POTEG: variants seen among roughly 807,000 people sequenced by gnomAD.
The protein encoded by POTEG is POTE ankyrin domain family member G.
Under a neutral mutation model 49.6 loss-of-function variants are expected in POTEG, and 2 were observed. The ratio of observed to expected loss-of-function variants is 0.04; its 90% CI spans 0.02 to 0.13. The LOEUF is 0.13. Ranked by LOEUF, POTEG falls within the 10% of genes least tolerant of loss-of-function variation. The pLI is 1.00. For synonymous variants in POTEG, 7 were observed against 186.6 expected (o/e 0.04, Z 7.84); for missense variants, 26 against 545.2 (o/e 0.05, Z 9.48).
chr14:19,432,526 GGTAT>G (rs1884205384), intron 1 of POTEG, among the ~76,000 whole-genome samples: 2 of 97,752 alleles, frequency 2.0e-5, no homozygotes, highest in East Asian at 2.9e-4. Flanking sequence ...GTTTTCTTCT[GGTAT>G]GTTTCTCTTT....
intron 6 of POTEG, among the ~76,000 whole-genome samples, chr14:19,419,867 A>G (rs1466295369): frequency 2.2e-5 from 3 of 135,246 alleles, no homozygotes; most frequent in Non-Finnish European, 4.6e-5. Context: ...CTCATCTAGT[A>G]TTTGCAGTCC....
intron 4 of POTEG, 165 bp from the exon 5 acceptor site, chr14:19,424,467 C>T: frequency 2.6e-6 from 1 of 380,436 alleles, no homozygotes; most frequent in Non-Finnish European, 3.7e-6. Context: ...AAAATACCAC[C>T]AAGGTTAAAA....
At chr14:19,432,379 T>TATATATA in intron 1 of POTEG, among the ~76,000 whole-genome samples, 2 of 62,232 alleles carry the variant, frequency 3.2e-5, no homozygotes, top group Non-Finnish European at 7.9e-5. Context: ...TATATATATA[T>TATATATA]ATATATATAT....
At chr14:19,425,771 C>T (rs1594279780) in intron 3 of POTEG, 59 bp from the exon 4 acceptor site, 6 of 302,694 alleles carry the variant, frequency 2.0e-5, no homozygotes, top group South Asian at 4.6e-5. Context: ...ATTCCTCAAC[C>T]GAAGTGGAAA....
At chr14:19,432,364 T>TTGTGTGTA (rs1361907872) in intron 1 of POTEG, among the ~76,000 whole-genome samples, 2 of 42,952 alleles carry the variant, frequency 4.7e-5, no homozygotes, top group African/African-American at 9.7e-5. Context: ...AAAAGAAATT[T>TTGTGTGTA]TGTATATATA....
intron 6 of POTEG, among the ~76,000 whole-genome samples, chr14:19,417,187 T>G (rs2139159704): frequency 6.6e-6 from 1 of 151,630 alleles, no homozygotes; most frequent in South Asian, 2.1e-4. Flanking sequence ...TCCTTGAGGC[T>G]GCCTTAGTAT....
intron 7 of POTEG, among the ~76,000 whole-genome samples, chr14:19,415,846 T>C (rs1594273846): frequency 2.1e-5 from 3 of 139,912 alleles, no homozygotes; most frequent in Admixed American, 7.1e-5. Context: ...TTTTTTTTTT[T>C]TTTTTTTTTT....
intron 7 of POTEG, among the ~76,000 whole-genome samples, chr14:19,415,188 G>C (rs1403488757): frequency 1.4e-5 from 2 of 143,638 alleles, no homozygotes; most frequent in African/African-American, 2.5e-5. Flanking sequence ...TATGTATCTA[G>C]ATTATCTGCT....
chr14:19,430,666 G>C (rs1326928008), intron 1 of POTEG, among the ~76,000 whole-genome samples: 1 of 124,086 alleles, frequency 8.1e-6, no homozygotes, highest in African/African-American at 2.9e-5. Context: ...TAGGCGTCTG[G>C]CTTATGTCTG....
At chr14:19,414,816 A>C (rs1366991917) in intron 7 of POTEG, among the ~76,000 whole-genome samples, 1 of 138,968 alleles carries the variant, frequency 7.2e-6, no homozygotes, top group South Asian at 2.3e-4. Flanking sequence ...CTGCCACATC[A>C]CTGGCTTCTA....
At chr14:19,415,854 T>A in intron 7 of POTEG, among the ~76,000 whole-genome samples, 1 of 142,524 alleles carries the variant, frequency 7.0e-6, no homozygotes, top group Non-Finnish European at 1.6e-5. Flanking sequence ...TTTTTTTTTT[T>A]TTTTTTTTTG....
At chr14:19,431,661 C>T (rs1395568978) in intron 1 of POTEG, among the ~76,000 whole-genome samples, 4 of 31,882 alleles carry the variant, frequency 1.3e-4, no homozygotes, top group East Asian at 6.4e-4. Context: ...TGTAGTGGCA[C>T]GATCTCGGCT....
intron 1 of POTEG, among the ~76,000 whole-genome samples, chr14:19,429,520 TTG>T (rs1302756575): frequency 1.6e-5 from 2 of 126,242 alleles, no homozygotes; most frequent in Non-Finnish European, 3.4e-5. Flanking sequence ...ACAGCTAACA[TTG>T]TATTTTAGTG....
At chr14:19,416,130 C>T (rs1883556966) in intron 7 of POTEG, among the ~76,000 whole-genome samples, 158 bp downstream of exon 7, 1 of 147,470 alleles carries the variant, frequency 6.8e-6, no homozygotes, top group African/African-American at 2.5e-5. Flanking sequence ...AGGCATGAGC[C>T]ACCCCCCCAG....
chr14:19,415,957 G>A (rs1302681801), intron 7 of POTEG, among the ~76,000 whole-genome samples: 2 of 146,764 alleles, frequency 1.4e-5, no homozygotes, highest in Non-Finnish European at 3.0e-5. Context: ...GCATTCTCCT[G>A]CCTCAGCCTC....
At chr14:19,429,282 TCA>T (rs1197865562) in intron 1 of POTEG, among the ~76,000 whole-genome samples, 4 of 36,236 alleles carry the variant, frequency 1.1e-4, no homozygotes, top group Admixed American at 3.2e-4. Context: ...TTTTGGGGTC[TCA>T]GTTTCCTCAT....
In POTEG at chr14:19,432,374, A is replaced by ATG. The variant is rs1884171503; in HGVS notation, c.521+1394_521+1395insCA. On this transcript the variant is annotated intron_variant, in intron 1 of 10. Coordinates refer to ENST00000547848, the MANE Select transcript of POTEG (RefSeq NM_001005356.3). ...AAAAAAAAAGAAATTTTGTATATAT[A>ATG]TATATATATATATATATATATATAT... Among the ~76,000 whole-genome samples the ATG allele has an allele frequency of 1.6e-4, 12 of 76,616 alleles. No individual in the cohort carries two copies. The South Asian group carries it at 4.4e-3, about 28-fold the overall frequency. The allele number at this position is 76,616 out of a possible 152,430, so 50.3% of individuals were successfully genotyped here.
At chr14:19,418,429 TC>T (rs1883639330) in intron 6 of POTEG, among the ~76,000 whole-genome samples, 1 of 23,776 alleles carries the variant, frequency 4.2e-5, no homozygotes, top group African/African-American at 7.5e-5. Context: ...GAGGAACAAC[TC>T]CGATATTCAT....
At chr14:19,426,841 T>C in intron 3 of POTEG, 1 of 383,294 alleles carries the variant, frequency 2.6e-6, no homozygotes, top group South Asian at 1.9e-5. Flanking sequence ...TAAAAAAAAA[T>C]AAAAATAAAA....
Sources: allele counts gnomAD v4.1 joint callset (sites outside exome capture counted in the v4.1 genomes callset), GRCh38; gene constraint gnomAD v4.1.1; transcripts MANE v1.5; gene names NCBI Gene and HGNC (gene_info 2026-07-23, HGNC 2026-07-21).